Variants in NRXN3 observed in about 807,000 individuals in gnomAD.
NRXN3 encodes neurexin III.
NRXN3 carries 32 observed loss-of-function variants against 137.6 expected under a neutral mutation model. The observed-to-expected ratio is 0.23, with a 90% confidence interval of 0.18 to 0.31. The LOEUF (loss-of-function observed/expected upper bound fraction) is 0.31. Ranked by LOEUF, NRXN3 falls within the 10% of genes least tolerant of loss-of-function variation. NRXN3 has a pLI of 1.00. For missense variants in NRXN3, 1,574 were observed against 2,062.5 expected (o/e 0.76, Z 4.59); for synonymous variants, 798 against 784.5 (o/e 1.02, Z -0.29).
At position 79,142,527 on chromosome 14, in the gene NRXN3, G is replaced by C. The variant is rs550330471; in HGVS notation, c.3262+154386G>C. Among the ~76,000 whole-genome samples the C allele has an allele frequency of 7.2e-5, 11 of 152,274 alleles. No individual in the cohort carries two copies. The East Asian group carries it at 2.1e-3, about 29-fold the overall frequency. On this transcript the variant is annotated intron_variant, in intron 15 of 20. Coordinates refer to ENST00000335750, the MANE Select transcript of NRXN3 (RefSeq NM_001330195.2). The stretch of plus-strand genomic sequence containing the variant: ...AAGATATGAATATTAAAAAAACAAT[G>C]ATCCAATATGGTTGAATTGGGTGAG...
chr14:78,370,971 GA>G (rs1190069517), intron 4 of NRXN3, among the ~76,000 whole-genome samples: 1 of 152,166 alleles, frequency 6.6e-6, no homozygotes, highest in East Asian at 1.9e-4. Context: ...AGATTAACCT[GA>G]TTTTCCAAGA....
chr14:78,778,758 CTCTTTCTTTCTT>C (rs10701078), intron 8 of NRXN3, among the ~76,000 whole-genome samples: 12,470 of 97,012 alleles, frequency 0.13, 866 homozygotes, highest in Middle Eastern at 0.18. Context: ...TTCCTTCTTT[CTCTTTCTTTCTT>C]TCTTTCTTTC....
chr14:78,506,643 GTTTTTTTTTTTT>G (rs71131653), intron 4 of NRXN3, among the ~76,000 whole-genome samples: 3 of 105,362 alleles, frequency 2.8e-5, no homozygotes, highest in Admixed American at 2.0e-4. Flanking sequence ...TCTCATTGTA[GTTTTTTTTTTTT>G]TTTTTTTTTT....
At chr14:78,463,743 A>G (rs11851331) in intron 4 of NRXN3, among the ~76,000 whole-genome samples, 74,993 of 146,622 alleles carry the variant, frequency 0.51, 19,525 homozygotes, top group Middle Eastern at 0.7. Context: ...AGGCCACAGA[A>G]TTCTCTTCCT....
chr14:79,304,735 G>A (rs114412360), intron 15 of NRXN3, among the ~76,000 whole-genome samples: 8 of 152,052 alleles, frequency 5.3e-5, no homozygotes, highest in East Asian at 1.9e-4. Context: ...TGCAATTCAA[G>A]CAAGTCTAAG....
chr14:79,249,471 T>A (rs924827544), intron 15 of NRXN3, among the ~76,000 whole-genome samples: 2 of 152,164 alleles, frequency 1.3e-5, no homozygotes, highest in Non-Finnish European at 2.9e-5. Flanking sequence ...CACTTAGGGA[T>A]GAGAAAATGT....
At chr14:79,388,193 T>A (rs2094707893) in intron 15 of NRXN3, among the ~76,000 whole-genome samples, 1 of 151,906 alleles carries the variant, frequency 6.6e-6, no homozygotes, top group South Asian at 2.1e-4. Context: ...ATGCACCAGC[T>A]CCCCCTTCAC....
At chr14:78,383,552 CTT>C (rs2089486506) in intron 4 of NRXN3, among the ~76,000 whole-genome samples, 1 of 152,154 alleles carries the variant, frequency 6.6e-6, no homozygotes, top group South Asian at 2.1e-4. Flanking sequence ...GGGATTTTAA[CTT>C]TTAAAATTTC....
rs185376297 is a variant in NRXN3 at position 79,521,388 on chromosome 14, A to G, written c.3444+53986A>G. 2.7e-3 allele frequency among the ~76,000 whole-genome samples: 417 copies of G among 152,206 alleles called. 3 individuals are homozygous for G. Among genetic ancestry groups the G allele is most frequent in the African/African-American group, 9.5e-3 (396 of 41,542 alleles). On this transcript the variant is annotated intron_variant, in intron 16 of 20. Transcript: ENST00000335750. ...TATTTAAACCAGAGCTTCTCATCCAATATACCACACTCAGGGCTTTTGGAT... is the reference window on the plus strand; with the variant it reads ...TATTTAAACCAGAGCTTCTCATCCAGTATACCACACTCAGGGCTTTTGGAT...
At chr14:78,526,648 T>C in intron 4 of NRXN3, 1 of 398,006 alleles carries the variant, frequency 2.5e-6, no homozygotes, top group Non-Finnish European at 4.9e-6. Flanking sequence ...TAATAGTAAC[T>C]AACAATTAAC....
intron 19 of NRXN3, among the ~76,000 whole-genome samples, chr14:79,801,228 C>T (rs1363935422): frequency 6.6e-6 from 1 of 152,206 alleles, no homozygotes; most frequent in African/African-American, 2.4e-5. Flanking sequence ...TCTAGATTCA[C>T]AGCCACTGAG....
intron 10 of NRXN3, among the ~76,000 whole-genome samples, chr14:78,851,982 G>T (rs1020676374): frequency 1.3e-5 from 2 of 152,054 alleles, no homozygotes; most frequent in African/African-American, 4.8e-5. Context: ...AGATATGGAA[G>T]AATAAATTTA....
At chr14:79,006,376 A>G (rs545523663) in intron 15 of NRXN3, among the ~76,000 whole-genome samples, 3 of 152,288 alleles carry the variant, frequency 2.0e-5, no homozygotes, top group African/African-American at 4.8e-5. Flanking sequence ...AGCATGAACT[A>G]AAGTGTCAGT....
intron 10 of NRXN3, among the ~76,000 whole-genome samples, chr14:78,914,444 G>T (rs1208419710): frequency 6.6e-6 from 1 of 152,148 alleles, no homozygotes; most frequent in Non-Finnish European, 1.5e-5. Flanking sequence ...CAAAGAAAAA[G>T]GATAGGGTAT....
At chr14:79,793,821 G>A (rs998705767) in intron 19 of NRXN3, among the ~76,000 whole-genome samples, 4 of 152,124 alleles carry the variant, frequency 2.6e-5, no homozygotes, top group Non-Finnish European at 5.9e-5. Context: ...TTTAAATCCA[G>A]ATATAAGAGC....
chr14:79,123,173 C>G (rs1302017936), intron 15 of NRXN3, among the ~76,000 whole-genome samples: 1 of 152,040 alleles, frequency 6.6e-6, no homozygotes, highest in East Asian at 1.9e-4. Context: ...TCCTGTCCAT[C>G]CAGATGGAGC....
intron 15 of NRXN3, among the ~76,000 whole-genome samples, chr14:79,025,207 T>C (rs1162054732): frequency 6.6e-6 from 1 of 152,202 alleles, no homozygotes; most frequent in Non-Finnish European, 1.5e-5. Context: ...CTTTCAAATC[T>C]AGACTGCTGT....
chr14:79,716,122 C>T (rs779292852), intron 19 of NRXN3, among the ~76,000 whole-genome samples: 38 of 152,106 alleles, frequency 2.5e-4, no homozygotes, highest in Non-Finnish European at 5.0e-4. Context: ...TGGACTGCAT[C>T]ACATGGTCAT....
At chr14:79,774,673 A>G (rs2099090973) in intron 19 of NRXN3, among the ~76,000 whole-genome samples, 1 of 152,166 alleles carries the variant, frequency 6.6e-6, no homozygotes, top group African/African-American at 2.4e-5. Context: ...TATCTGGTAG[A>G]AATATCTGCC....
Sources: gnomAD v4.1 joint callset for allele counts (sites outside exome capture counted in the v4.1 genomes callset) on GRCh38, gnomAD v4.1.1 for gene constraint, MANE v1.5 for transcripts, NCBI Gene and HGNC (gene_info 2026-07-23, HGNC 2026-07-21) for gene names.